The following MCU variants were observed in gnomAD, a reference collection of about 807,000 sequenced individuals.
MCU encodes the protein mitochondrial calcium uniporter, also known as calcium uniporter protein, mitochondrial.
Under a neutral mutation model 45.2 loss-of-function variants are expected in MCU, and 12 were observed. The ratio of observed to expected loss-of-function variants is 0.27; its 90% confidence interval spans 0.17 to 0.43. The LOEUF is 0.43. MCU is among the 20% of genes least tolerant of loss of function. MCU has a pLI of 1.00. For missense variants in MCU, 324 were observed against 436.7 expected (o/e 0.74, Z 2.30); for synonymous variants, 160 against 165.1 (o/e 0.97, Z 0.24).
chr10:72,828,736 T>A (rs893184837), intron 1 of MCU, among the ~76,000 whole-genome samples: 8 of 152,228 alleles, frequency 5.3e-5, no homozygotes, highest in African/African-American at 1.9e-4. Flanking sequence ...ACATAAAATA[T>A]CTTTTTTATC....
chr10:72,886,688 A>C lies in MCU; in HGVS notation c.*866A>C, dbSNP rs909338789. 2 of 152,404 alleles carry C rather than the reference A, an allele frequency of 1.3e-5. No homozygotes were observed. Among genetic ancestry groups the C allele is most frequent in the African/African-American group, 2.4e-5 (1 of 41,474 alleles). The allele number at this position is 152,404 out of a possible 1,614,324, so 9.4% of individuals were successfully genotyped here. A position where few individuals can be genotyped will look rare whatever the true frequency, so the allele number is the denominator to read the frequency against. On this transcript the variant is annotated 3_prime_UTR_variant, in exon 8 of 8. Transcript: ENST00000373053. ...CAAATCAGGAAGATGTAAGGTTTAC[A>C]AATTGGCTAAGAATCATGGCTCTGT...
At chr10:72,776,198 A>G (rs748683848) in intron 1 of MCU, among the ~76,000 whole-genome samples, 4 of 152,008 alleles carry the variant, frequency 2.6e-5, no homozygotes, top group Non-Finnish European at 5.9e-5. Flanking sequence ...AAGAGGAGAT[A>G]ATACTTTCAA....
At chr10:72,768,675 GAC>G (rs1406654530) in intron 1 of MCU, among the ~76,000 whole-genome samples, 4 of 152,108 alleles carry the variant, frequency 2.6e-5, no homozygotes, top group African/African-American at 7.2e-5. Flanking sequence ...TCAGTTGTAA[GAC>G]ACTGTTATTT....
At chr10:72,737,895 T>C (rs891979462) in intron 1 of MCU, among the ~76,000 whole-genome samples, 40 of 152,318 alleles carry the variant, frequency 2.6e-4, no homozygotes, top group Middle Eastern at 6.8e-3. Flanking sequence ...GGCAACAAGC[T>C]GTTTCTTATA....
chr10:72,693,100 T>C lies in MCU; in HGVS notation c.150+799T>C, dbSNP rs990540993. 7 of 1,533,762 alleles carry C rather than the reference T, an allele frequency of 4.6e-6. No individual in the cohort carries two copies. In the African/African-American group the frequency reaches 9.6e-5, roughly 21 times the overall value. Reference sequence around the variant, plus strand: ...TTGACAGAGGCAGAGATTTGGTGGTTGTATTAACCAGTTGTTGCTGGGTTT... The same window carrying C: ...TTGACAGAGGCAGAGATTTGGTGGTCGTATTAACCAGTTGTTGCTGGGTTT... On this transcript the variant is annotated intron_variant, in intron 1 of 7. Coordinates refer to ENST00000373053, the MANE Select transcript of MCU (RefSeq NM_138357.3).
At chr10:72,851,063 A>G (rs770524555) in intron 2 of MCU, among the ~76,000 whole-genome samples, 2 of 152,248 alleles carry the variant, frequency 1.3e-5, no homozygotes, top group Non-Finnish European at 2.9e-5. Context: ...CGTTGACATT[A>G]CAGTCTACTG....
At chr10:72,715,219 G>A (rs1479837192) in intron 1 of MCU, 1 of 975,708 alleles carries the variant, frequency 1.0e-6, no homozygotes, top group African/African-American at 1.8e-5. Context: ...CTGGCCTGTG[G>A]GAGTCAAGTA....
chr10:72,715,348 T>C (rs987959890), intron 1 of MCU: 6 of 167,304 alleles, frequency 3.6e-5, no homozygotes, highest in African/African-American at 1.4e-4. Context: ...GGCTCTTTGC[T>C]CCAGCCTGCT....
chr10:72,741,152 T>C (rs1411488791), intron 1 of MCU, among the ~76,000 whole-genome samples: 1 of 149,152 alleles, frequency 6.7e-6, no homozygotes, highest in Non-Finnish European at 1.5e-5. Flanking sequence ...CAGCCTGGAG[T>C]GCAGTGGCAC....
At chr10:72,709,414 T>G (rs1431690687) in intron 1 of MCU, among the ~76,000 whole-genome samples, 1 of 152,218 alleles carries the variant, frequency 6.6e-6, no homozygotes, top group East Asian at 1.9e-4. Flanking sequence ...AATGAGAAGA[T>G]TGAAGGTTTT....
intron 1 of MCU, among the ~76,000 whole-genome samples, chr10:72,714,683 T>TA (rs1043578417): frequency 2.4e-4 from 36 of 152,214 alleles, no homozygotes; most frequent in Admixed American, 8.5e-4. Context: ...AAGCTGGGAT[T>TA]ACAGGCATGC....
intron 1 of MCU, among the ~76,000 whole-genome samples, chr10:72,829,135 A>T (rs1844840678): frequency 6.6e-6 from 1 of 152,148 alleles, no homozygotes; most frequent in South Asian, 2.1e-4. Flanking sequence ...AGCCAGGCCA[A>T]CATGGTGAAA....
At chr10:72,838,774 G>A (rs965305206) in intron 2 of MCU, among the ~76,000 whole-genome samples, 1 of 152,128 alleles carries the variant, frequency 6.6e-6, no homozygotes, top group African/African-American at 2.4e-5. Flanking sequence ...GAAAATTCCT[G>A]TTTAATTAAT....
intron 1 of MCU, among the ~76,000 whole-genome samples, chr10:72,791,369 A>T (rs914628400): frequency 3.3e-5 from 5 of 152,116 alleles, no homozygotes; most frequent in African/African-American, 1.2e-4. Flanking sequence ...ATTAGTATTC[A>T]TTATTTCACT....
intron 4 of MCU, 123 bp from the exon 5 acceptor site, chr10:72,868,580 T>C (rs866355720): frequency 2.5e-6 from 2 of 798,446 alleles, no homozygotes; most frequent in Middle Eastern, 3.8e-4. Context: ...GAGCTATTAC[T>C]TTCCTTCAGT....
chr10:72,778,804 G>A (rs1456090723), intron 1 of MCU, among the ~76,000 whole-genome samples: 1 of 151,684 alleles, frequency 6.6e-6, no homozygotes, highest in African/African-American at 2.4e-5. Flanking sequence ...TTGAAATAAT[G>A]TACTAAGCAA....
intron 4 of MCU, among the ~76,000 whole-genome samples, chr10:72,864,892 C>G (rs1845430583): frequency 6.6e-6 from 1 of 152,226 alleles, no homozygotes; most frequent in South Asian, 2.1e-4. Flanking sequence ...AGTACAGGGC[C>G]TATTTTACAG....
At chr10:72,848,842 C>T (rs1034051795) in intron 2 of MCU, among the ~76,000 whole-genome samples, 3 of 152,142 alleles carry the variant, frequency 2.0e-5, no homozygotes, top group Non-Finnish European at 2.9e-5. Context: ...GATCACCCTG[C>T]TTCAGTGTGG....
intron 1 of MCU, among the ~76,000 whole-genome samples, chr10:72,809,575 T>C (rs1202138473): frequency 1.3e-5 from 2 of 152,198 alleles, no homozygotes; most frequent in Non-Finnish European, 2.9e-5. Context: ...GAACATATTT[T>C]ACTTCAGGGA....
Sources: gnomAD v4.1 joint callset for allele counts (sites outside exome capture counted in the v4.1 genomes callset) on GRCh38, gnomAD v4.1.1 for gene constraint, MANE v1.5 for transcripts, NCBI Gene and HGNC (gene_info 2026-07-23, HGNC 2026-07-21) for gene names.